Variants in CCDC171 observed in about 807,000 individuals in gnomAD.
CCDC171 encodes coiled-coil domain containing 171, also known as coiled-coil domain-containing protein 171.
CCDC171 carries 177 observed loss-of-function variants against 168.2 expected under a neutral mutation model. The ratio of observed to expected loss-of-function variants is 1.05; its 90% CI spans 0.93 to 1.19. The LOEUF is 1.19. Among genes scored for constraint, CCDC171 ranks in the 50% most tolerant of loss-of-function variants. The pLI, the probability that CCDC171 is intolerant of heterozygous loss-of-function variation, is 0.00. For missense variants in CCDC171, 1,991 were observed against 1,539.0 expected (o/e 1.29, Z -4.91); for synonymous variants, 687 against 540.8 (o/e 1.27, Z -3.75).
chr9:15,995,590 G>C (rs564628610), intron 3 of CCDC171, among the ~76,000 whole-genome samples: 1 of 152,214 alleles, frequency 6.6e-6, no homozygotes, highest in Non-Finnish European at 1.5e-5. Context: ...GTTTTTCTGG[G>C]GCAATAATAC....
chr9:15,964,259 C>G (rs986958646), intron 25 of CCDC171, among the ~76,000 whole-genome samples: 17 of 151,970 alleles, frequency 1.1e-4, no homozygotes, highest in African/African-American at 3.9e-4. Context: ...TTTTCATGAG[C>G]CTTTTGTAAA....
At chr9:15,939,767 A>G (rs2132272537) in intron 25 of CCDC171, among the ~76,000 whole-genome samples, 1 of 152,046 alleles carries the variant, frequency 6.6e-6, no homozygotes, top group East Asian at 1.9e-4. Context: ...CTGCTTAAAA[A>G]TTTGGAAGCG....
rs2059649108 is a variant in CCDC171 at position 15,818,657 on chromosome 9, GA to G, written c.3268-28042del. On this transcript the variant is annotated intron_variant, in intron 21 of 25. Coordinates refer to ENST00000380701, the MANE Select transcript of CCDC171 (RefSeq NM_173550.4). The stretch of plus-strand genomic sequence containing the variant: ...GAAGTTTAGAGAAAAAAGAATAAAA[GA>G]AACGAACAAAGCCTCCAAGAAATAT... Among the ~76,000 whole-genome samples, 3 of 117,612 alleles carry G rather than the reference GA, an allele frequency of 2.6e-5. 1 individual carries two copies. Among genetic ancestry groups the G allele is most frequent in the Non-Finnish European group, 5.7e-5 (3 of 52,398 alleles). The allele number at this position is 117,612 out of a possible 152,430, so 77.2% of individuals were successfully genotyped here. A position where few individuals can be genotyped will look rare whatever the true frequency, so the allele number is the denominator to read the frequency against.
At chr9:15,783,836 G>A (rs1390431422) in intron 20 of CCDC171, among the ~76,000 whole-genome samples, 3 of 150,678 alleles carry the variant, frequency 2.0e-5, no homozygotes, top group Non-Finnish European at 4.4e-5. Context: ...GTATATATGA[G>A]TATTATTTCA....
rs1423529001 is a variant in CCDC171 at position 15,723,686 on chromosome 9, G to A, written c.1431G>A (p.Lys477=). Residue 477 remains lysine (K), a synonymous_variant, in exon 13 of 26, where the codon AAG becomes AAA. Coordinates refer to ENST00000380701, the MANE Select transcript of CCDC171 (RefSeq NM_173550.4). ...NKLEDASNEE[K]ACNELDSTKQ... ...ACAGCATGAATGATGTTAAGGAAAA[G>A]GCATGTAATGAACTTGATTCTACGA... is the stretch of plus-strand genomic sequence containing the variant. The A allele has an allele frequency of 6.3e-7, 1 of 1,592,686 alleles. No individual in the cohort carries two copies. Among genetic ancestry groups the A allele is most frequent in the East Asian group, 2.3e-5 (1 of 43,960 alleles).
intron 8 of CCDC171, among the ~76,000 whole-genome samples, chr9:15,659,018 G>T (rs965870197): frequency 6.6e-6 from 1 of 152,178 alleles, no homozygotes; most frequent in Non-Finnish European, 1.5e-5. Flanking sequence ...CAGTATGTGT[G>T]AAAGTGGGCA....
At chr9:15,838,024 T>C (rs1392631956) in intron 21 of CCDC171, among the ~76,000 whole-genome samples, 1 of 152,190 alleles carries the variant, frequency 6.6e-6, no homozygotes, top group Non-Finnish European at 1.5e-5. Context: ...CTTTTTGGTG[T>C]TCCTAAAATA....
chr9:15,682,011 C>T (rs1044007854), intron 10 of CCDC171, among the ~76,000 whole-genome samples: 2 of 151,994 alleles, frequency 1.3e-5, no homozygotes, highest in African/African-American at 4.8e-5. Context: ...AATTTTTCTT[C>T]CCTTTTGAGG....
intron 6 of CCDC171, among the ~76,000 whole-genome samples, chr9:15,603,232 C>A (rs2042991231): frequency 6.6e-6 from 1 of 152,186 alleles, no homozygotes; most frequent in South Asian, 2.1e-4. Flanking sequence ...GATCTTCCCG[C>A]CTCAGCCTCC....
chr9:16,097,516 T>A, the CCDC171 span, among the ~76,000 whole-genome samples: 1 of 152,248 alleles, frequency 6.6e-6, no homozygotes, highest in Non-Finnish European at 1.5e-5. Flanking sequence ...AATTAAGTAC[T>A]GAAGCTTGCT....
chr9:15,596,000 T>C (rs1200741490), intron 6 of CCDC171, among the ~76,000 whole-genome samples: 1 of 152,148 alleles, frequency 6.6e-6, no homozygotes, highest in South Asian at 2.1e-4. Context: ...GGGTTGTTTT[T>C]TTCCTGTAAA....
intron 1 of CCDC171, among the ~76,000 whole-genome samples, chr9:16,051,108 T>A (rs1461391672): frequency 6.6e-6 from 1 of 152,250 alleles, no homozygotes; most frequent in Non-Finnish European, 1.5e-5. Flanking sequence ...GTTTCTCAAA[T>A]AAATTCCCCT....
At position 15,564,001 on chromosome 9, in the gene CCDC171, C is replaced by A; in HGVS notation, c.-88C>A. On this transcript the variant is annotated 5_prime_UTR_variant, in exon 2 of 26. Coordinates refer to ENST00000380701, the MANE Select transcript of CCDC171 (RefSeq NM_173550.4). The stretch of plus-strand genomic sequence containing the variant: ...AGACCTCAAATCATCTAACGTGAAG[C>A]CACAGACATCTTGGGCAATTTTAAT... 1.0e-6 allele frequency: 1 copy of A among 985,988 alleles called. No homozygotes were observed. Among genetic ancestry groups the A allele is most frequent in the South Asian group, 1.4e-5 (1 of 72,792 alleles). 61.1% of individuals were successfully genotyped at this position (985,988 alleles called of 1,614,324 possible). A position where few individuals can be genotyped will look rare whatever the true frequency, so the allele number is the denominator to read the frequency against.
chr9:15,934,560 G>A (rs1416430495), intron 25 of CCDC171, among the ~76,000 whole-genome samples: 1 of 151,978 alleles, frequency 6.6e-6, no homozygotes, highest in African/African-American at 2.4e-5. Context: ...CATTGCTGGT[G>A]GGAATGTAAA....
the CCDC171 span, among the ~76,000 whole-genome samples, chr9:16,097,230 T>A: frequency 1.3e-5 from 2 of 149,754 alleles, no homozygotes; most frequent in African/African-American, 5.1e-5. Flanking sequence ...TGAGATAGAA[T>A]GCTTATGGCA....
intron 25 of CCDC171, among the ~76,000 whole-genome samples, chr9:15,944,514 T>TA (rs752437093): frequency 1.3e-5 from 2 of 152,050 alleles, no homozygotes; most frequent in East Asian, 3.9e-4. Flanking sequence ...ATTCAATACT[T>TA]ACAACACTCT....
chr9:15,733,764 T>C lies in CCDC171; in HGVS notation c.2049+3966T>C, dbSNP rs900513171. On this transcript the variant is annotated intron_variant, in intron 16 of 25. Transcript: ENST00000380701. ...CTCTTTGAAAATCTACCAGAAGGCATAGCAATTCACTTTTTTCTCTTTTTG... is the reference window on the plus strand; with the variant it reads ...CTCTTTGAAAATCTACCAGAAGGCACAGCAATTCACTTTTTTCTCTTTTTG... 3.9e-5 allele frequency among the ~76,000 whole-genome samples: 6 copies of C among 151,984 alleles called. No homozygotes were observed. The East Asian group carries it at 9.6e-4, about 24-fold the overall frequency.
chr9:16,009,126 A>G (rs1832787415), intron 3 of CCDC171, among the ~76,000 whole-genome samples: 3 of 152,180 alleles, frequency 2.0e-5, no homozygotes, highest in Non-Finnish European at 4.4e-5. Flanking sequence ...ATTATGGAGA[A>G]CAGTTTAGGT....
At chr9:15,708,553 CTTTCTTTCAACTCCCATACCA>C (rs2052420253) in intron 11 of CCDC171, among the ~76,000 whole-genome samples, 1 of 152,170 alleles carries the variant, frequency 6.6e-6, no homozygotes, top group African/African-American at 2.4e-5. Flanking sequence ...TTCTCCCCAT[CTTTCTTTCAACTCCCATACCA>C]TCTCCGTGTA....
Sources: allele counts gnomAD v4.1 joint callset (sites outside exome capture counted in the v4.1 genomes callset), GRCh38; gene constraint gnomAD v4.1.1; transcripts MANE v1.5; gene names NCBI Gene and HGNC (gene_info 2026-07-23, HGNC 2026-07-21).